USP25: variants seen among roughly 807,000 people sequenced by gnomAD.
USP25 encodes ubiquitin specific peptidase 25.
Under a neutral mutation model 158.5 loss-of-function variants are expected in USP25, and 85 were observed. The observed-to-expected ratio is 0.54, with a 90% CI of 0.45 to 0.64. The LOEUF (loss-of-function observed/expected upper bound fraction) is 0.64. Among genes scored for constraint, USP25 ranks in the 30% least tolerant of loss-of-function variants. USP25 has a pLI of 0.00. For missense variants in USP25, 1,242 were observed against 1,327.3 expected, an observed-to-expected ratio of 0.94 and a Z score of 1.00; for synonymous variants, 464 against 460.4, an observed-to-expected ratio of 1.01 and a Z score of -0.10.
At chr21:15,834,625 AGTATTGTGACTGTCGCAGGCAT>A (rs1334710894) in intron 17 of USP25, among the ~76,000 whole-genome samples, 15 of 152,256 alleles carry the variant, frequency 9.9e-5, no homozygotes, top group African/African-American at 3.1e-4. Context: ...GCTACAATGT[AGTATTGTGACTGTCGCAGGCAT>A]GCACAAATCT....
intron 20 of USP25, among the ~76,000 whole-genome samples, chr21:15,863,160 A>G (rs999420478): frequency 2.0e-5 from 3 of 152,014 alleles, no homozygotes; most frequent in South Asian, 4.1e-4. Flanking sequence ...AATATGTACA[A>G]TATGTGTAAA....
intron 4 of USP25, among the ~76,000 whole-genome samples, chr21:15,784,829 C>G (rs2035182809): frequency 6.6e-6 from 1 of 151,540 alleles, no homozygotes; most frequent in Non-Finnish European, 1.5e-5. Flanking sequence ...CAGAAGTAAA[C>G]AAGAGGGAAA....
chr21:15,827,753 T>TGTGTGC (rs1186077733), intron 14 of USP25, among the ~76,000 whole-genome samples: 1 of 134,360 alleles, frequency 7.4e-6, no homozygotes, highest in Non-Finnish European at 1.6e-5. Flanking sequence ...TGTGTGCACT[T>TGTGTGC]GTGTGCGTGT....
chr21:15,775,754 C>T (rs950953824), intron 3 of USP25, among the ~76,000 whole-genome samples: 2 of 83,176 alleles, frequency 2.4e-5, no homozygotes, highest in East Asian at 4.6e-4. Context: ...CCCCCCCCCC[C>T]GCCCCCGCTG....
At position 15,748,491 on chromosome 21, in the gene USP25, G is replaced by C. The variant is rs1390986248; in HGVS notation, c.46-14400G>C. Among the ~76,000 whole-genome samples the C allele has an allele frequency of 2.1e-5, 3 of 141,934 alleles. No homozygotes were observed. The East Asian group carries it at 6.2e-4, about 29-fold the overall frequency. The allele number at this position is 141,934 out of a possible 152,430, so 93.1% of individuals were successfully genotyped here. ...TTTTTTTTTTTTTTTGTAGAGATGG[G>C]GTCTCGCTCTGTTTCCCAGGCTGGT... On this transcript the variant is annotated intron_variant, in intron 1 of 25. Coordinates refer to ENST00000400183, the MANE Select transcript of USP25 (RefSeq NM_001283041.3).
intron 8 of USP25, among the ~76,000 whole-genome samples, chr21:15,810,502 G>A (rs1219616727): frequency 1.3e-5 from 2 of 152,036 alleles, no homozygotes; most frequent in Non-Finnish European, 2.9e-5. Flanking sequence ...TTCAACTTTT[G>A]TTTGCTCCAA....
chr21:15,778,879 G>T (rs2123507258), intron 4 of USP25, among the ~76,000 whole-genome samples: 1 of 152,202 alleles, frequency 6.6e-6, no homozygotes, highest in African/African-American at 2.4e-5. Flanking sequence ...ACACAGCTCA[G>T]ATGCATCTTA....
chr21:15,847,849 G>C (rs117646764), intron 19 of USP25, 73 bp downstream of exon 19: 9,571 of 944,944 alleles, frequency 0.01, 83 homozygotes, highest in Admixed American at 0.026. Context: ...GGGCATGCCT[G>C]CACCCTCATA....
At chr21:15,784,021 G>C (rs1432796085) in intron 4 of USP25, among the ~76,000 whole-genome samples, 1 of 152,056 alleles carries the variant, frequency 6.6e-6, no homozygotes, top group Non-Finnish European at 1.5e-5. Context: ...GACAAGCAAA[G>C]GTGATGGAAT....
intron 17 of USP25, among the ~76,000 whole-genome samples, chr21:15,835,704 C>T (rs947867794): frequency 1.3e-5 from 2 of 152,192 alleles, no homozygotes; most frequent in Admixed American, 6.5e-5. Flanking sequence ...TACCTTTCAG[C>T]GTGGGTTATT....
intron 19 of USP25, 26 bp from the exon 20 acceptor site, chr21:15,849,751 T>G: frequency 6.7e-7 from 1 of 1,492,288 alleles, no homozygotes; most frequent in Non-Finnish European, 8.9e-7. Flanking sequence ...AAACCTTTTT[T>G]TAATGTTAAC....
At chr21:15,787,463 T>C (rs1019562535) in intron 4 of USP25, among the ~76,000 whole-genome samples, 1 of 152,084 alleles carries the variant, frequency 6.6e-6, no homozygotes, top group African/African-American at 2.4e-5. Flanking sequence ...AGCCAACTGA[T>C]TTTTGACAAA....
At chr21:15,734,218 A>T (rs1350207344) in intron 1 of USP25, among the ~76,000 whole-genome samples, 1 of 152,238 alleles carries the variant, frequency 6.6e-6, no homozygotes, top group African/African-American at 2.4e-5. Context: ...AGGTTGTCAT[A>T]GATTAGCCAA....
chr21:15,816,246 A>G lies in USP25; in HGVS notation c.932-2452A>G, dbSNP rs1176150125. The stretch of plus-strand genomic sequence containing the variant: ...TTCCTCATCTTCTCTTGCCTCTGCC[A>G]TGTAAGAAGTGCCTTTTGCCTCCCG... On this transcript the variant is annotated intron_variant, in intron 9 of 25. Coordinates refer to ENST00000400183, the MANE Select transcript of USP25 (RefSeq NM_001283041.3). This position sits in a 1 kb window ranked among gnomAD's most constrained non-coding sequence, Gnocchi z 4.0. Among the ~76,000 whole-genome samples, 2 of 152,086 alleles carry G rather than the reference A, an allele frequency of 1.3e-5. No individual in the cohort carries two copies. The highest frequency in any genetic ancestry group is 2.9e-5 in the Non-Finnish European group (2 of 68,022).
intron 3 of USP25, among the ~76,000 whole-genome samples, chr21:15,771,339 T>C (rs2034339214): frequency 2.0e-5 from 3 of 151,090 alleles, no homozygotes; most frequent in Non-Finnish European, 4.4e-5. Context: ...GACCTGGACA[T>C]AGACAAACAA....
At chr21:15,750,107 A>G (rs1164579979) in intron 1 of USP25, among the ~76,000 whole-genome samples, 1 of 150,534 alleles carries the variant, frequency 6.6e-6, no homozygotes, top group African/African-American at 2.4e-5. Flanking sequence ...GGGAGGGAAG[A>G]GGGGCTGCAG....
chr21:15,839,531 G>A (rs2038227224), intron 17 of USP25, among the ~76,000 whole-genome samples: 1 of 152,134 alleles, frequency 6.6e-6, no homozygotes, highest in Admixed American at 6.5e-5. Context: ...AAAAATATGA[G>A]TAGGTAGGTA....
chr21:15,872,551 G>A (rs989710627), intron 23 of USP25, among the ~76,000 whole-genome samples: 3 of 152,132 alleles, frequency 2.0e-5, no homozygotes, highest in Non-Finnish European at 4.4e-5. Flanking sequence ...ACTTAATGTT[G>A]TAAAACAACT....
chr21:15,859,097 T>TATATTTGTC (rs1306549183), intron 20 of USP25, among the ~76,000 whole-genome samples: 1 of 150,222 alleles, frequency 6.7e-6, no homozygotes, highest in Non-Finnish European at 1.5e-5. Flanking sequence ...TTTCTTTCTT[T>TATATTTGTC]ATATTTGTCA....
Sources: allele counts gnomAD v4.1 joint callset (sites outside exome capture counted in the v4.1 genomes callset), GRCh38; gene constraint gnomAD v4.1.1; non-coding constraint Gnocchi (gnomAD v3.1); transcripts MANE v1.5; gene names NCBI Gene and HGNC (gene_info 2026-07-23, HGNC 2026-07-21).